The following YTHDC2 variants were observed in gnomAD, a reference collection of about 807,000 sequenced individuals.
YTHDC2 encodes the protein 3'-5' RNA helicase YTHDC2.
YTHDC2 carries 45 observed loss-of-function variants against 174.9 expected under a neutral mutation model. The observed-to-expected ratio is 0.26, with a 90% CI of 0.20 to 0.33. The LOEUF (loss-of-function observed/expected upper bound fraction) is 0.33. Among genes scored for constraint, YTHDC2 ranks in the 10% least tolerant of loss-of-function variants. The pLI, the probability that YTHDC2 is intolerant of heterozygous loss-of-function variation, is 1.00. For missense variants in YTHDC2, 1,650 were observed against 1,723.7 expected (o/e 0.96, Z 0.76); for synonymous variants, 657 against 574.5 (o/e 1.14, Z -2.05).
In YTHDC2 at chr5:113,535,665, A is replaced by G; in HGVS notation, c.969A>G (p.Arg323=). The G allele has an allele frequency of 6.2e-7, 1 of 1,613,300 alleles. No homozygotes were observed. The highest frequency in any genetic ancestry group is 1.1e-5 in the South Asian group (1 of 90,872). The part of the protein sequence containing the change: ...VIVDEVHERD[R]FSDFLLTKLR... Reference sequence around the variant, plus strand: ...AGGATGAAGTGCATGAAAGGGATCGATTTAGTGATTTTTTACTTACAAAGT... The same window carrying G: ...AGGATGAAGTGCATGAAAGGGATCGGTTTAGTGATTTTTTACTTACAAAGT... The change falls in exon 7 of 30, where the codon CGA becomes CGG. Residue 323 remains arginine (R), a synonymous_variant. Transcript: ENST00000161863.
rs781129945 is a variant in YTHDC2 at position 113,553,942 on chromosome 5, A to G, written c.2053A>G (p.Ile685Val). ...KNPPAGVRKI[I>V]LSTNIAETSI... ...ACTTTAAAGTAATATCTTGTTGCAG[A>G]TTCTTTCCACCAATATTGCTGAAAC... The change falls in exon 16 of 30, where the codon ATT (isoleucine) becomes GTT (valine). Residue 685 changes from isoleucine to valine, a missense_variant and splice_region_variant. Transcript: ENST00000161863. 3 of 1,582,294 alleles carry G rather than the reference A, an allele frequency of 1.9e-6. No individual in the cohort carries two copies. Among genetic ancestry groups the G allele is most frequent in the African/African-American group, 1.4e-5 (1 of 73,056 alleles).
intron 17 of YTHDC2, among the ~76,000 whole-genome samples, chr5:113,556,922 A>G (rs542763354): frequency 2.2e-4 from 33 of 152,358 alleles, no homozygotes; most frequent in African/African-American, 7.9e-4. Flanking sequence ...AATAAATTAT[A>G]GCCACACAGT....
Position 113,567,276 on chromosome 5 carries a change from C to T in YTHDC2, c.3027C>T (p.Leu1009=). Residue 1009 remains leucine (L), a synonymous_variant, in exon 22 of 30, where the codon CTC becomes CTT. Transcript: ENST00000161863. ...KKVRFHPASV[L]SQPQYKKIPP... Reference sequence around the variant, plus strand: ...TACGATTTCATCCTGCTTCAGTTCTCAGTCAGCCTCAATATAAAAAGGTAA... The same window carrying T: ...TACGATTTCATCCTGCTTCAGTTCTTAGTCAGCCTCAATATAAAAAGGTAA... The T allele has an allele frequency of 3.7e-6, 6 of 1,611,396 alleles. No homozygotes were observed. The highest frequency in any genetic ancestry group is 1.1e-5 in the South Asian group (1 of 90,450).
intron 6 of YTHDC2, 99 bp from the exon 7 acceptor site, chr5:113,535,543 A>C: frequency 8.5e-7 from 1 of 1,174,488 alleles, no homozygotes; most frequent in East Asian, 2.7e-5. Context: ...TCCACATTTA[A>C]TTTGAATTAG....
At chr5:113,542,107 A>G (rs1775522132) in intron 9 of YTHDC2, among the ~76,000 whole-genome samples, 1 of 152,160 alleles carries the variant, frequency 6.6e-6, no homozygotes, top group Non-Finnish European at 1.5e-5. Context: ...ACAACATCAT[A>G]TTGGAAGCAC....
intron 23 of YTHDC2, among the ~76,000 whole-genome samples, chr5:113,568,329 TATATCACATTGAAGTGGC>T (rs759152031): frequency 5.5e-4 from 84 of 152,222 alleles, no homozygotes; most frequent in Admixed American, 1.4e-3. Flanking sequence ...TGCAAAATAG[TATATCACATTGAAGTGGC>T]ATAATGCATT....
At chr5:113,580,134 A>G (rs1483224849) in intron 24 of YTHDC2, among the ~76,000 whole-genome samples, 2 of 152,068 alleles carry the variant, frequency 1.3e-5, no homozygotes, top group Non-Finnish European at 2.9e-5. Flanking sequence ...GCTCTTTTAT[A>G]AGGATACCTA....
intron 2 of YTHDC2, among the ~76,000 whole-genome samples, chr5:113,522,141 G>GT (rs397883128): frequency 0.51 from 67,281 of 130,752 alleles, 17,237 homozygotes; most frequent in East Asian, 0.76. Flanking sequence ...TTTGTTTTTT[G>GT]TTTTTTTTTT....
Position 113,553,209 on chromosome 5 carries a change from G to A in YTHDC2, c.1717G>A (p.Glu573Lys). 1 of 1,251,122 alleles carries A rather than the reference G, an allele frequency of 8.0e-7. No homozygotes were observed. Among genetic ancestry groups the A allele is most frequent in the Non-Finnish European group, 1.1e-6 (1 of 928,084 alleles). 77.5% of individuals were successfully genotyped at this position (1,251,122 alleles called of 1,614,324 possible). The change falls in exon 13 of 30, where the codon GAA (glutamate) becomes AAA (lysine). Residue 573 changes from glutamate to lysine, a missense_variant. Physicochemically the swap from Glu to Lys is moderately conservative, Grantham distance 56. This residue lies in a region of YTHDC2 where 411 missense variants were observed against 380.6 expected (regional missense o/e 1.08). Transcript: ENST00000161863. ...TACACTGGAATTTGGAAATCTAGAT[G>A]AAAGTTCTCTGGTTCAAACAAATGG... is the stretch of plus-strand genomic sequence containing the variant. ...SATLEFGNLD[E>K]SSLVQTNGSD...
intron 10 of YTHDC2, among the ~76,000 whole-genome samples, chr5:113,547,649 A>G (rs1040283891): frequency 6.6e-6 from 1 of 152,060 alleles, no homozygotes; most frequent in African/African-American, 2.4e-5. Context: ...TGAATCTAAA[A>G]CTTGTTCTAA....
intron 8 of YTHDC2, 33 bp from the exon 9 acceptor site, chr5:113,540,935 G>T (rs1775412075): frequency 6.3e-7 from 1 of 1,585,174 alleles, no homozygotes; most frequent in Non-Finnish European, 8.6e-7. Context: ...GAAATGATTT[G>T]TCTACATATT....
intron 21 of YTHDC2, among the ~76,000 whole-genome samples, chr5:113,566,886 C>T (rs1369967471): frequency 6.6e-6 from 1 of 152,138 alleles, no homozygotes; most frequent in East Asian, 1.9e-4. Flanking sequence ...AGCAGATCTA[C>T]ACTTCCCTAG....
intron 23 of YTHDC2, among the ~76,000 whole-genome samples, chr5:113,569,864 C>T (rs903558424): frequency 5.9e-5 from 9 of 152,080 alleles, no homozygotes; most frequent in African/African-American, 1.9e-4. Flanking sequence ...ATCGTTTCTT[C>T]TAAGTCTGTG....
At chr5:113,514,712 A>G (rs1233747393) in intron 1 of YTHDC2, among the ~76,000 whole-genome samples, 1 of 152,176 alleles carries the variant, frequency 6.6e-6, no homozygotes, top group Non-Finnish European at 1.5e-5. Flanking sequence ...TTATAGTCCA[A>G]AACGGGGAAT....
Position 113,553,832 on chromosome 5 carries a change from C to G in YTHDC2, c.2030C>G (p.Pro677Arg). 1 of 1,610,354 alleles carries G rather than the reference C, an allele frequency of 6.2e-7. No homozygotes were observed. Among genetic ancestry groups the G allele is most frequent in the Admixed American group, 1.7e-5 (1 of 59,316 alleles). Reference protein sequence around the residue: ...TSDQKKVLKNPPAGVRKIILS... With the variant: ...TSDQKKVLKNRPAGVRKIILS... ...GATCAAAAGAAAGTATTAAAAAACC[C>G]ACCTGCAGGTGTTCGAAAAATAGTA... The change falls in exon 15 of 30, where the codon CCA (proline) becomes CGA (arginine). Residue 677 changes from proline (P) to arginine (R), a missense_variant. Transcript: ENST00000161863.
intron 18 of YTHDC2, among the ~76,000 whole-genome samples, chr5:113,561,672 G>A (rs1367054890): frequency 4.6e-5 from 7 of 151,736 alleles, no homozygotes; most frequent in South Asian, 2.1e-4. Context: ...TTTCACCATC[G>A]TGACCAGCCT....
At chr5:113,562,794 ACCCTT>A (rs950197216) in intron 18 of YTHDC2, among the ~76,000 whole-genome samples, 16 of 151,794 alleles carry the variant, frequency 1.1e-4, no homozygotes, top group African/African-American at 3.6e-4. Flanking sequence ...TCCCTCTCCC[ACCCTT>A]TTCTGAACTT....
intron 17 of YTHDC2, among the ~76,000 whole-genome samples, chr5:113,558,782 T>C (rs10477498): frequency 0.31 from 47,020 of 151,374 alleles, 9,456 homozygotes; most frequent in African/African-American, 0.56. Flanking sequence ...ATTAGCCAGG[T>C]GTGGGGGTGG....
chr5:113,564,280 T>A (rs1397398493), intron 20 of YTHDC2, 149 bp downstream of exon 20: 1 of 946,526 alleles, frequency 1.1e-6, no homozygotes, highest in Non-Finnish European at 1.5e-6. Flanking sequence ...CTGAAAAATA[T>A]CTTCTTGCTG....
Sources: gnomAD v4.1 joint callset for allele counts (sites outside exome capture counted in the v4.1 genomes callset) on GRCh38, gnomAD v4.1.1 for gene constraint, gnomAD v4.1.1 regional missense constraint, MANE v1.5 for transcripts, NCBI Gene and HGNC (gene_info 2026-07-23, HGNC 2026-07-21) for gene names.